Variants in DENND2B observed in about 807,000 individuals in gnomAD.
DENND2B encodes DENN domain containing 2B, also known as DENN domain-containing protein 2B.
A neutral mutation model predicts 116.0 loss-of-function variants in DENND2B; 32 were observed. That is an observed-to-expected ratio of 0.28 (90% CI 0.21 to 0.37). DENND2B has a LOEUF of 0.37. Ranked by LOEUF, DENND2B falls within the 10% of genes least tolerant of loss-of-function variation. The pLI is 1.00. For synonymous variants in DENND2B, 588 were observed against 583.9 expected, an observed-to-expected ratio of 1.01 and a Z score of -0.10; for missense variants, 1,276 against 1,477.7, an observed-to-expected ratio of 0.86 and a Z score of 2.24.
chr11:8,793,005 T>A (rs761619850), intron 1 of DENND2B, among the ~76,000 whole-genome samples: 1 of 152,194 alleles, frequency 6.6e-6, no homozygotes, highest in Admixed American at 6.5e-5. Context: ...GTACTGCATA[T>A]AACAGGAACA....
At chr11:8,746,968 G>C (rs2051378982) in intron 2 of DENND2B, among the ~76,000 whole-genome samples, 1 of 152,128 alleles carries the variant, frequency 6.6e-6, no homozygotes, top group Non-Finnish European at 1.5e-5. Context: ...TGGACTGAAT[G>C]AGCTACAAAG....
At chr11:8,718,559 T>C (rs2045534698) in intron 4 of DENND2B, 8 of 1,411,222 alleles carry the variant, frequency 5.7e-6, no homozygotes, top group Non-Finnish European at 6.5e-6. Flanking sequence ...CCTACTGTAG[T>C]GTCTATTCCC....
At chr11:8,909,421 G>A (rs1285782226) in intron 1 of DENND2B, among the ~76,000 whole-genome samples, 1 of 49,800 alleles carries the variant, frequency 2.0e-5, no homozygotes, top group South Asian at 1.9e-3. Context: ...AAGAGGAAGA[G>A]GAAGGAGGAG....
intron 2 of DENND2B, among the ~76,000 whole-genome samples, chr11:8,740,022 CA>C (rs569962744): frequency 6.1e-5 from 9 of 147,836 alleles, no homozygotes; most frequent in Admixed American, 2.7e-4. Flanking sequence ...TCTATCTCTA[CA>C]AAAAAAAAAT....
intron 1 of DENND2B, among the ~76,000 whole-genome samples, chr11:8,793,646 C>G (rs1370378771): frequency 6.6e-6 from 1 of 152,154 alleles, no homozygotes; most frequent in Non-Finnish European, 1.5e-5. Context: ...TCCACCTTCT[C>G]GCTGCTGTGA....
intron 1 of DENND2B, among the ~76,000 whole-genome samples, chr11:8,899,436 A>T (rs1335075348): frequency 6.6e-6 from 1 of 152,192 alleles, no homozygotes; most frequent in African/African-American, 2.4e-5. Context: ...ACAAAGAGAA[A>T]ATCTTGTAAG....
chr11:8,870,629 A>C (rs928045206), intron 2 of DENND2B, among the ~76,000 whole-genome samples: 13 of 150,726 alleles, frequency 8.6e-5, no homozygotes, highest in Admixed American at 7.9e-4. Flanking sequence ...GCGCAGAGCC[A>C]GCTCCCAGGA....
chr11:8,722,867 CCT>C (rs1249251072), intron 4 of DENND2B, among the ~76,000 whole-genome samples: 2 of 152,180 alleles, frequency 1.3e-5, no homozygotes, highest in African/African-American at 2.4e-5. Context: ...GCATCCTCCC[CCT>C]CTCTTCTTTC....
At chr11:8,861,404 A>C (rs2063385314) in intron 2 of DENND2B, among the ~76,000 whole-genome samples, 1 of 152,204 alleles carries the variant, frequency 6.6e-6, no homozygotes, top group African/African-American at 2.4e-5. Flanking sequence ...AAGATATACA[A>C]ATAGCCACGA....
chr11:8,888,286 C>A (rs2063985020), intron 1 of DENND2B, among the ~76,000 whole-genome samples: 2 of 152,150 alleles, frequency 1.3e-5, no homozygotes, highest in East Asian at 1.9e-4. Context: ...CAAAAAGGAT[C>A]TTGTCCTTCA....
intron 4 of DENND2B, among the ~76,000 whole-genome samples, chr11:8,725,072 G>A (rs1288216849): frequency 3.9e-5 from 6 of 152,182 alleles, no homozygotes; most frequent in African/African-American, 7.2e-5. Flanking sequence ...CAGGGGTCTC[G>A]TGTCTTCTGC....
At position 8,702,971 on chromosome 11, in the gene DENND2B, G is replaced by A; in HGVS notation, c.2572-251C>T. The A allele has an allele frequency of 2.0e-6, 1 of 507,262 alleles. No homozygotes were observed. The highest frequency in any genetic ancestry group is 3.5e-6 in the Non-Finnish European group (1 of 284,020). The allele number at this position is 507,262 out of a possible 1,614,324, so 31.4% of individuals were successfully genotyped here. A position where few individuals can be genotyped will look rare whatever the true frequency, so the allele number is the denominator to read the frequency against. On this transcript the variant is annotated intron_variant, in intron 13 of 19. Transcript: ENST00000313726. The surrounding 1 kb of genome is among the most constrained non-coding windows in gnomAD (Gnocchi z 4.6). ...GCGGGGAAGGCTCCAGAAGGAAGGA[G>A]TTGAGGGGCCATCCATCGGGACCTC...
intron 2 of DENND2B, among the ~76,000 whole-genome samples, chr11:8,745,598 A>G (rs2051093701): frequency 6.6e-6 from 1 of 152,208 alleles, no homozygotes; most frequent in Admixed American, 6.5e-5. Context: ...GGTGGAAATT[A>G]TCTTCCTTTC....
rs769876599 is a variant in DENND2B at position 8,699,161 on chromosome 11, C to T, written c.2898+52G>A. 1.4e-4 allele frequency: 213 copies of T among 1,525,468 alleles called. 1 individual carries two copies. The highest frequency in any genetic ancestry group is 1.8e-4 in the Non-Finnish European group (208 of 1,141,270). 94.5% of individuals were successfully genotyped at this position (1,525,468 alleles called of 1,614,324 possible). A position where few individuals can be genotyped will look rare whatever the true frequency, so the allele number is the denominator to read the frequency against. ...CGAGGGGCCACAAGTAAGATCCCAG[C>T]ACCTGCTTCCCCCTCCACCCTTCCC... On this transcript the variant is annotated intron_variant, in intron 15 of 19. Coordinates refer to ENST00000313726, the MANE Select transcript of DENND2B (RefSeq NM_213618.2).
At chr11:8,726,419 T>C in intron 3 of DENND2B, 1 of 530,770 alleles carries the variant, frequency 1.9e-6, no homozygotes, top group Non-Finnish European at 3.2e-6. Flanking sequence ...TGCCTTATCC[T>C]GAATAATACC....
At chr11:8,908,510 T>C (rs2064267799) in intron 1 of DENND2B, among the ~76,000 whole-genome samples, 1 of 152,172 alleles carries the variant, frequency 6.6e-6, no homozygotes, top group Non-Finnish European at 1.5e-5. Context: ...ATATTCACAA[T>C]AACCCTATGA....
chr11:8,800,217 G>A (rs2060197595), intron 1 of DENND2B, among the ~76,000 whole-genome samples: 1 of 152,124 alleles, frequency 6.6e-6, no homozygotes. Flanking sequence ...GCCTCCCAAA[G>A]TGTTAGGATT....
In DENND2B at chr11:8,701,362, G is replaced by C. The variant is rs909926164; in HGVS notation, c.2720+1210C>G. On this transcript the variant is annotated intron_variant, in intron 14 of 19. Coordinates refer to ENST00000313726, the MANE Select transcript of DENND2B (RefSeq NM_213618.2). ...CAGCTTCCGGGGGGGGGGGGGGGAG[G>C]GGCTACATGAATGACATGCCTGGTC... Among the ~76,000 whole-genome samples the C allele has an allele frequency of 1.2e-3, 115 of 98,874 alleles. 15 individuals are homozygous for C. The highest frequency in any genetic ancestry group is 1.9e-3 in the Non-Finnish European group (97 of 49,870). The allele number at this position is 98,874 out of a possible 152,430, so 64.9% of individuals were successfully genotyped here.
At chr11:8,765,555 T>C (rs1160740666) in intron 1 of DENND2B, among the ~76,000 whole-genome samples, 1 of 152,230 alleles carries the variant, frequency 6.6e-6, no homozygotes, top group Non-Finnish European at 1.5e-5. Flanking sequence ...TGAAAAGCAA[T>C]GTGGAACAGG....
Sources: gnomAD v4.1 joint callset for allele counts (sites outside exome capture counted in the v4.1 genomes callset) on GRCh38, gnomAD v4.1.1 for gene constraint, Gnocchi (gnomAD v3.1) non-coding constraint, MANE v1.5 for transcripts, NCBI Gene and HGNC (gene_info 2026-07-23, HGNC 2026-07-21) for gene names.